Variants in LRRC8D observed in about 807,000 individuals in gnomAD.
LRRC8D encodes the protein leucine rich repeat containing 8 VRAC subunit D.
In LRRC8D, 20 loss-of-function variants were observed where a neutral mutation model predicts 55.8. That is an observed-to-expected ratio of 0.36 (90% CI 0.25 to 0.52). The LOEUF (loss-of-function observed/expected upper bound fraction) is 0.52. Among genes scored for constraint, LRRC8D ranks in the 20% least tolerant of loss-of-function variants. The pLI, the probability that LRRC8D is intolerant of heterozygous loss-of-function variation, is 0.93. For synonymous variants in LRRC8D, 352 were observed against 377.0 expected, an observed-to-expected ratio of 0.93 and a Z score of 0.77; for missense variants, 651 against 1,030.8, an observed-to-expected ratio of 0.63 and a Z score of 5.05.
chr1:89,863,069 T>A (rs1297602363), intron 2 of LRRC8D, among the ~76,000 whole-genome samples: 1 of 152,214 alleles, frequency 6.6e-6, no homozygotes, highest in Non-Finnish European at 1.5e-5. Context: ...CCTAGTCAGT[T>A]GATGAAGAGT....
intron 1 of LRRC8D, among the ~76,000 whole-genome samples, chr1:89,838,975 TGA>T (rs938704260): frequency 6.6e-5 from 10 of 152,214 alleles, no homozygotes; most frequent in Admixed American, 2.0e-4. Context: ...ATGATGCACT[TGA>T]GAGAGAGCAT....
At chr1:89,882,353 A>G (rs755442978) in intron 2 of LRRC8D, among the ~76,000 whole-genome samples, 2 of 152,220 alleles carry the variant, frequency 1.3e-5, no homozygotes, top group Non-Finnish European at 2.9e-5. Flanking sequence ...TTTGCTGTTT[A>G]AGTACTACGT....
Position 89,933,225 on chromosome 1 carries a change from G to T in LRRC8D, c.157G>T (p.Val53Phe), listed in dbSNP as rs767282941. The T allele has an allele frequency of 6.2e-7, 1 of 1,614,160 alleles. No homozygotes were observed. The highest frequency in any genetic ancestry group is 1.1e-5 in the South Asian group (1 of 91,074). The change falls in exon 3 of 3, where the codon GTC becomes TTC. Residue 53 changes from valine (V) to phenylalanine (F), a missense_variant. By Grantham distance (50) the Val-to-Phe change is conservative. Around this residue, in one of 5 missense-constraint regions of LRRC8D, gnomAD observed 118 missense variants for 138.0 expected, o/e 0.85. Coordinates refer to ENST00000337338, the MANE Select transcript of LRRC8D (RefSeq NM_001134479.2). This position sits in a 1 kb window ranked among gnomAD's most constrained non-coding sequence, Gnocchi z 7.0. ...CATGCAACTTACCAAAGATCAGGTG[G>T]TCTGTTTGCCAGTATTGCCATCTCC... ...GTMQLTKDQVVCLPVLPSPVN... is the reference protein window; with the variant it reads ...GTMQLTKDQVFCLPVLPSPVN...
At chr1:89,912,572 TAGTGTTTTATTCC>T (rs1663162016) in intron 2 of LRRC8D, among the ~76,000 whole-genome samples, 1 of 152,212 alleles carries the variant, frequency 6.6e-6, no homozygotes, top group Admixed American at 6.5e-5. Context: ...CAGCCCTCAT[TAGTGTTTTATTCC>T]AGTAGCTTGA....
At chr1:89,902,316 A>G (rs1662879214) in intron 2 of LRRC8D, among the ~76,000 whole-genome samples, 1 of 152,106 alleles carries the variant, frequency 6.6e-6, no homozygotes, top group African/African-American at 2.4e-5. Context: ...TAAGCCCTAA[A>G]TCCCATGATT....
chr1:89,928,232 C>T (rs980889219), intron 2 of LRRC8D, among the ~76,000 whole-genome samples: 17 of 151,946 alleles, frequency 1.1e-4, no homozygotes, highest in Non-Finnish European at 2.1e-4. Context: ...CACCAAGCCC[C>T]GCTAATTTTT....
intron 1 of LRRC8D, among the ~76,000 whole-genome samples, chr1:89,830,670 G>A (rs1047249966): frequency 6.6e-5 from 10 of 152,190 alleles, no homozygotes; most frequent in African/African-American, 1.2e-4. Context: ...TTGTTGCCGC[G>A]TGGGAATGTG....
rs796874496 is a variant in LRRC8D at position 89,915,349 on chromosome 1, C to T, written c.-2-17718C>T. Among the ~76,000 whole-genome samples the T allele has an allele frequency of 7.2e-5, 11 of 152,274 alleles. 1 individual carries two copies. The highest frequency in any genetic ancestry group is 2.6e-4 in the African/African-American group (11 of 41,560). ...GACAATCCTACAATTACAGTTGTAA[C>T]ATGTTGTATATAAAGTCACACAAAC... On this transcript the variant is annotated intron_variant, in intron 2 of 2. Coordinates refer to ENST00000337338, the MANE Select transcript of LRRC8D (RefSeq NM_001134479.2).
intron 2 of LRRC8D, among the ~76,000 whole-genome samples, chr1:89,918,509 G>A (rs1663331255): frequency 6.6e-6 from 1 of 152,194 alleles, no homozygotes; most frequent in Non-Finnish European, 1.5e-5. Context: ...TGTCTCAAGG[G>A]TCCTCCCTCT....
At chr1:89,898,098 G>A (rs767403681) in intron 2 of LRRC8D, among the ~76,000 whole-genome samples, 3 of 152,182 alleles carry the variant, frequency 2.0e-5, no homozygotes, top group Non-Finnish European at 4.4e-5. Flanking sequence ...ACAGGCAGCC[G>A]ATACTGAGAG....
chr1:89,935,273 T>A lies in LRRC8D; in HGVS notation c.2205T>A (p.Asp735Glu). 6.2e-7 allele frequency: 1 copy of A among 1,614,232 alleles called. No homozygotes were observed. The highest frequency in any genetic ancestry group is 8.5e-7 in the Non-Finnish European group (1 of 1,180,016). ...GTTTACAGAAACTCAGATGCTTAGA[T>A]GTGAGCTACAACAACATTTCAATGA... The part of the protein sequence containing the change: ...VFSLQKLRCL[D>E]VSYNNISMIP... Residue 735 changes from aspartate (D) to glutamate (E), a missense_variant, in exon 3 of 3, where the codon GAT becomes GAA. Asp to Glu is a conservative substitution (Grantham distance 45). Around this residue, in one of 5 missense-constraint regions of LRRC8D, gnomAD observed 338 missense variants for 479.4 expected, o/e 0.71. Transcript: ENST00000337338.
rs1164910578 is a variant in LRRC8D, at chr1:89,931,199, T to C, written c.-2-1868T>C. Among the ~76,000 whole-genome samples the C allele has an allele frequency of 3.3e-5, 5 of 150,524 alleles. 1 individual carries two copies. In the South Asian group the frequency reaches 8.4e-4, roughly 25 times the overall value. On this transcript the variant is annotated intron_variant, in intron 2 of 2. Coordinates refer to ENST00000337338, the MANE Select transcript of LRRC8D (RefSeq NM_001134479.2). ...ATCATTGCTGTAGTATTCATTGTAT[T>C]TTATTAAAAAATATTATGAACCTAC...
chr1:89,884,417 T>G (rs923402694), intron 2 of LRRC8D, among the ~76,000 whole-genome samples: 1 of 152,178 alleles, frequency 6.6e-6, no homozygotes, highest in African/African-American at 2.4e-5. Context: ...TATATTCACA[T>G]CCAGATATCA....
At chr1:89,851,982 G>T (rs1251914158) in intron 2 of LRRC8D, among the ~76,000 whole-genome samples, 1 of 147,208 alleles carries the variant, frequency 6.8e-6, no homozygotes, top group Non-Finnish European at 1.5e-5. Flanking sequence ...ATAGGATTAC[G>T]TAGATAATAG....
chr1:89,901,483 TC>T (rs1296755414), intron 2 of LRRC8D, among the ~76,000 whole-genome samples: 1 of 152,208 alleles, frequency 6.6e-6, no homozygotes, highest in Non-Finnish European at 1.5e-5. Flanking sequence ...CATTGCCCAG[TC>T]CCCAGCTGTC....
At chr1:89,840,514 G>T (rs1226981467) in intron 1 of LRRC8D, among the ~76,000 whole-genome samples, 1 of 152,186 alleles carries the variant, frequency 6.6e-6, no homozygotes, top group East Asian at 1.9e-4. Flanking sequence ...CCCACAGCTG[G>T]CCACTGCTCT....
At chr1:89,888,373 T>C (rs1247098589) in intron 2 of LRRC8D, among the ~76,000 whole-genome samples, 3 of 152,208 alleles carry the variant, frequency 2.0e-5, no homozygotes, top group African/African-American at 4.8e-5. Flanking sequence ...TGGAAAGTTA[T>C]AGATAAGCAA....
At chr1:89,877,552 T>C (rs2100839330) in intron 2 of LRRC8D, among the ~76,000 whole-genome samples, 1 of 152,292 alleles carries the variant, frequency 6.6e-6, no homozygotes, top group African/African-American at 2.4e-5. Context: ...CCTTTTCTGT[T>C]TTAAGGAAAG....
intron 2 of LRRC8D, among the ~76,000 whole-genome samples, chr1:89,878,166 A>G (rs1662194225): frequency 6.6e-6 from 1 of 152,240 alleles, no homozygotes; most frequent in Non-Finnish European, 1.5e-5. Flanking sequence ...TGGATAAACA[A>G]TATCACTTAA....
Sources: allele counts gnomAD v4.1 joint callset (sites outside exome capture counted in the v4.1 genomes callset), GRCh38; gene constraint gnomAD v4.1.1; regional missense constraint gnomAD v4.1.1; non-coding constraint Gnocchi (gnomAD v3.1); transcripts MANE v1.5; gene names NCBI Gene and HGNC (gene_info 2026-07-23, HGNC 2026-07-21).